The following ISM1 variants were observed in gnomAD, a reference collection of about 807,000 sequenced individuals.
ISM1 encodes the protein isthmin 1.
In ISM1, 25 loss-of-function variants were observed where a neutral mutation model predicts 46.3. That is an observed-to-expected ratio of 0.54 (90% CI 0.39 to 0.75). ISM1 has a LOEUF of 0.75. ISM1 is among the 30% of genes least tolerant of loss of function. The pLI, the probability that ISM1 is intolerant of heterozygous loss-of-function variation, is 0.00. For synonymous variants in ISM1, 255 were observed against 256.7 expected (o/e 0.99, Z 0.06); for missense variants, 536 against 625.4 (o/e 0.86, Z 1.52).
chr20:13,259,508 A>G (rs2039965566), intron 1 of ISM1, among the ~76,000 whole-genome samples: 1 of 152,212 alleles, frequency 6.6e-6, no homozygotes, highest in Admixed American at 6.5e-5. Flanking sequence ...GCACATGTCA[A>G]CTACTTAACT....
intron 3 of ISM1, among the ~76,000 whole-genome samples, chr20:13,282,685 A>T (rs1219658010): frequency 1.3e-5 from 2 of 152,242 alleles, no homozygotes; most frequent in Non-Finnish European, 2.9e-5. Context: ...ATTAGACTGG[A>T]CATCGGGATT....
intron 1 of ISM1, among the ~76,000 whole-genome samples, chr20:13,232,489 A>G (rs1444482389): frequency 2.0e-5 from 3 of 152,198 alleles, no homozygotes; most frequent in Admixed American, 2.0e-4. Flanking sequence ...CCTTTTTATT[A>G]CCAATTAATA....
At chr20:13,269,934 A>AGGAGGGAT (rs111927384) in intron 1 of ISM1, among the ~76,000 whole-genome samples, 1 of 149,798 alleles carries the variant, frequency 6.7e-6, no homozygotes, top group African/African-American at 2.5e-5. Context: ...TGTGGGTGGA[A>AGGAGGGAT]GGATGGATGG....
At chr20:13,222,608 C>T (rs986884418) in intron 1 of ISM1, among the ~76,000 whole-genome samples, 6 of 152,136 alleles carry the variant, frequency 3.9e-5, no homozygotes, top group Non-Finnish European at 5.9e-5. Flanking sequence ...AAGTCTTTCT[C>T]CCAAGGATCT....
In ISM1 at chr20:13,270,829, C is replaced by CA. The variant is rs1489638967; in HGVS notation, c.378+86_378+87insA. The CA allele has an allele frequency of 1.9e-5, 25 of 1,302,710 alleles. No homozygotes were observed. In the Admixed American group the frequency reaches 5.1e-4, roughly 26 times the overall value. 80.7% of individuals were successfully genotyped at this position (1,302,710 alleles called of 1,614,324 possible). On this transcript the variant is annotated intron_variant, in intron 2 of 5. Transcript: ENST00000262487. ...GATTCCAGTGGAAACTGCTGCCTTA[C>CA]CTCACTTTTCTTCTTAACCCCTTAA...
chr20:13,292,687 A>G lies in ISM1; in HGVS notation c.877+224A>G, dbSNP rs138569734. Among the ~76,000 whole-genome samples the G allele has an allele frequency of 1.1e-3, 170 of 152,180 alleles. 1 individual carries two copies. The highest frequency in any genetic ancestry group is 3.9e-3 in the African/African-American group (164 of 41,524). ...CGCTTCTGTGTTCACTCTGCTCTCT[A>G]TGCAGCCTTCACAGCCAGAGGCAGA... is the stretch of plus-strand genomic sequence containing the variant. On this transcript the variant is annotated intron_variant, in intron 5 of 5. Coordinates refer to ENST00000262487, the MANE Select transcript of ISM1 (RefSeq NM_080826.2).
chr20:13,253,229 G>C lies in ISM1; in HGVS notation c.139-17275G>C, dbSNP rs8120724. 2.6e-5 allele frequency among the ~76,000 whole-genome samples: 4 copies of C among 152,150 alleles called. No homozygotes were observed. In the East Asian group the frequency reaches 7.7e-4, roughly 29 times the overall value. On this transcript the variant is annotated intron_variant, in intron 1 of 5. Coordinates refer to ENST00000262487, the MANE Select transcript of ISM1 (RefSeq NM_080826.2). ...AGGGTTTTTGATCTTCTCACCCTGCGTGTTGATCTCTTATGTCACTTGCTC... is the reference window on the plus strand; with the variant it reads ...AGGGTTTTTGATCTTCTCACCCTGCCTGTTGATCTCTTATGTCACTTGCTC...
chr20:13,249,904 T>G (rs1488685416), intron 1 of ISM1, among the ~76,000 whole-genome samples: 3 of 152,180 alleles, frequency 2.0e-5, no homozygotes, highest in African/African-American at 7.2e-5. Flanking sequence ...TTTTTCTCAT[T>G]TGCAAAAATT....
At chr20:13,270,845 A>C (rs193124993) in intron 2 of ISM1, 102 bp downstream of exon 2, 1,528 of 1,108,736 alleles carry the variant, frequency 1.4e-3, no homozygotes, top group Non-Finnish European at 1.8e-3. Flanking sequence ...TTTTCTTCTT[A>C]ACCCCTTAAT....
chr20:13,238,786 T>G (rs2039682580), intron 1 of ISM1, among the ~76,000 whole-genome samples: 1 of 152,186 alleles, frequency 6.6e-6, no homozygotes, highest in Admixed American at 6.5e-5. Context: ...GAATAATCCT[T>G]TCAGGTTCAC....
chr20:13,319,791 C>G, the ISM1 span, among the ~76,000 whole-genome samples: 1 of 152,202 alleles, frequency 6.6e-6, no homozygotes, highest in Non-Finnish European at 1.5e-5. Flanking sequence ...AGCCAGCCAA[C>G]CTTCTTGTCC....
chr20:13,268,646 G>A (rs1159237759), intron 1 of ISM1, among the ~76,000 whole-genome samples: 1 of 152,214 alleles, frequency 6.6e-6, no homozygotes, highest in Non-Finnish European at 1.5e-5. Flanking sequence ...AGAGGTGACA[G>A]ACGAGGTCTC....
the ISM1 span, among the ~76,000 whole-genome samples, chr20:13,314,741 T>C: frequency 6.6e-6 from 1 of 152,156 alleles, no homozygotes; most frequent in Admixed American, 6.5e-5. Context: ...GTTATTTTTC[T>C]CTTTCTTGAT....
the ISM1 span, among the ~76,000 whole-genome samples, chr20:13,323,995 GA>G: frequency 6.6e-6 from 1 of 152,198 alleles, no homozygotes; most frequent in Admixed American, 6.5e-5. Context: ...GCTTCTCTAA[GA>G]AATGTTATCT....
the ISM1 span, among the ~76,000 whole-genome samples, chr20:13,324,752 C>G: frequency 6.6e-6 from 1 of 152,154 alleles, no homozygotes; most frequent in African/African-American, 2.4e-5. Context: ...GGAACAGCAC[C>G]TAGCACCACT....
rs373175545 is a variant in ISM1, at chr20:13,299,463, G to C, written c.*4G>C. On this transcript the variant is annotated 3_prime_UTR_variant, in exon 6 of 6. Transcript: ENST00000262487. This position sits in a 1 kb window ranked among gnomAD's most constrained non-coding sequence, Gnocchi z 5.8. ...CCAAGAGGCCAGGGAATATTAAAGA[G>C]ACTGGGATGAGGTGGAGGACGCTGC... is the stretch of plus-strand genomic sequence containing the variant. The C allele has an allele frequency of 6.3e-6, 10 of 1,588,824 alleles. No individual in the cohort carries two copies. Among genetic ancestry groups the C allele is most frequent in the Admixed American group, 3.4e-5 (2 of 59,620 alleles).
intron 1 of ISM1, among the ~76,000 whole-genome samples, chr20:13,223,162 A>AAAAT (rs1555807185): frequency 6.8e-6 from 1 of 145,988 alleles, no homozygotes; most frequent in African/African-American, 2.6e-5. Context: ...GTCTCAAAAA[A>AAAAT]AAAATAAAAT....
chr20:13,245,847 C>A (rs757870414), intron 1 of ISM1, among the ~76,000 whole-genome samples: 9 of 152,222 alleles, frequency 5.9e-5, no homozygotes. Flanking sequence ...AACTGACCCA[C>A]CTTTCCTGCT....
downstream of ISM1, among the ~76,000 whole-genome samples, chr20:13,302,436 C>T (rs1051522426): frequency 2.0e-5 from 3 of 152,162 alleles, no homozygotes; most frequent in African/African-American, 7.2e-5. Flanking sequence ...GAGTGATCTT[C>T]GGAAATCAAG....
Sources: allele counts gnomAD v4.1 joint callset (sites outside exome capture counted in the v4.1 genomes callset), GRCh38; gene constraint gnomAD v4.1.1; non-coding constraint Gnocchi (gnomAD v3.1); transcripts MANE v1.5; gene names NCBI Gene and HGNC (gene_info 2026-07-23, HGNC 2026-07-21).